The following POLB variants were observed in gnomAD, a reference collection of about 807,000 sequenced individuals.
The protein encoded by POLB is 5'-dRP lyase.
Under a neutral mutation model 52.7 loss-of-function variants are expected in POLB, and 37 were observed. The observed-to-expected ratio is 0.70, with a 90% CI of 0.54 to 0.92. The LOEUF (loss-of-function observed/expected upper bound fraction) is 0.92, where lower values mean the gene tolerates loss of function less well. Among genes scored for constraint, POLB ranks in the 40% least tolerant of loss-of-function variants. The probability of loss-of-function intolerance (pLI) is 0.00; values close to 1 mark genes in which losing one functional copy is unlikely to be tolerated. For missense variants in POLB, 313 were observed against 400.8 expected, an observed-to-expected ratio of 0.78 and a Z score of 1.87; for synonymous variants, 138 against 131.3, an observed-to-expected ratio of 1.05 and a Z score of -0.35.
At chr8:42,339,336 G>A (rs1822048251) in intron 2 of POLB, 1 of 472,590 alleles carries the variant, frequency 2.1e-6, no homozygotes, top group African/African-American at 2.0e-5. Context: ...TAGAAATGCG[G>A]TGTAATTTTA....
chr8:42,338,558 C>T lies in POLB; in HGVS notation c.-67C>T. 1.4e-6 allele frequency: 2 copies of T among 1,426,832 alleles called. No individual in the cohort carries two copies. The highest frequency in any genetic ancestry group is 2.0e-6 in the Non-Finnish European group (2 of 1,009,920). 88.4% of individuals were successfully genotyped at this position (1,426,832 alleles called of 1,614,324 possible). The stretch of plus-strand genomic sequence containing the variant: ...TCCCGTCTCCAAGTCCTGGTACCTC[C>T]TTCAAGCTGGGAGAGGGCTCTAGTC... On this transcript the variant is annotated 5_prime_UTR_variant, in exon 1 of 14. Coordinates refer to ENST00000265421, the MANE Select transcript of POLB (RefSeq NM_002690.3).
chr8:42,366,803 ACGTCAGAAGAC>A (rs1824068515), intron 11 of POLB, among the ~76,000 whole-genome samples: 1 of 152,248 alleles, frequency 6.6e-6, no homozygotes, highest in African/African-American at 2.4e-5. Flanking sequence ...TATTTGCCCT[ACGTCAGAAGAC>A]CGTTATGCAG....
rs1210664757 is a variant in POLB at position 42,349,105 on chromosome 8, T to G, written c.261+15T>G. 6.9e-7 allele frequency: 1 copy of G among 1,439,542 alleles called. No individual in the cohort carries two copies. The highest frequency in any genetic ancestry group is 9.8e-7 in the Non-Finnish European group (1 of 1,023,918). The allele number at this position is 1,439,542 out of a possible 1,614,324, so 89.2% of individuals were successfully genotyped here. On this transcript the variant is annotated intron_variant, in intron 4 of 13. Transcript: ENST00000265421. The stretch of plus-strand genomic sequence containing the variant: ...AACTGGAAAAGGTAAAATTTTAACT[T>G]GTTTACTTCATTAATTATAGTATCT...
At position 42,362,701 on chromosome 8, in the gene POLB, A is replaced by T. The variant is rs1467807953; in HGVS notation, c.708+3A>T. 6.4e-7 allele frequency: 1 copy of T among 1,563,980 alleles called. No individual in the cohort carries two copies. ...CAAAGGGTGAGACAAAGTTCATGGT[A>T]AGTACTTGTTAGAGTTAGCACATCT... On this transcript the variant is annotated splice_donor_region_variant and intron_variant, in intron 11 of 13. Transcript: ENST00000265421.
intron 11 of POLB, among the ~76,000 whole-genome samples, chr8:42,363,611 C>T (rs1306042363): frequency 6.9e-6 from 1 of 145,378 alleles, no homozygotes; most frequent in East Asian, 2.0e-4. Flanking sequence ...ATGACTTTGA[C>T]ACACAGTAAG....
At chr8:42,353,513 G>T (rs1163157362) in intron 6 of POLB, among the ~76,000 whole-genome samples, 1 of 152,034 alleles carries the variant, frequency 6.6e-6, no homozygotes, top group Non-Finnish European at 1.5e-5. Context: ...GGTTATTAAA[G>T]GAATTTTTGC....
At chr8:42,354,151 A>G (rs1823154271) in intron 6 of POLB, among the ~76,000 whole-genome samples, 3 of 152,210 alleles carry the variant, frequency 2.0e-5, no homozygotes, top group Admixed American at 1.3e-4. Context: ...ATATTTCACA[A>G]TTCACACATA....
intron 9 of POLB, among the ~76,000 whole-genome samples, chr8:42,358,543 A>C (rs1478919258): frequency 6.6e-6 from 1 of 152,114 alleles, no homozygotes; most frequent in Non-Finnish European, 1.5e-5. Flanking sequence ...GAATAGAAAA[A>C]CCTTATTTAA....
chr8:42,346,202 G>A (rs952435058), intron 3 of POLB, among the ~76,000 whole-genome samples: 3 of 152,106 alleles, frequency 2.0e-5, no homozygotes, highest in East Asian at 1.9e-4. Context: ...GATTATAGTC[G>A]TGAGCCACTG....
At chr8:42,344,496 A>G (rs1368643592) in intron 2 of POLB, among the ~76,000 whole-genome samples, 1 of 150,752 alleles carries the variant, frequency 6.6e-6, no homozygotes, top group Admixed American at 6.6e-5. Context: ...TTAGACATAT[A>G]TTAGGTGGTC....
intron 3 of POLB, among the ~76,000 whole-genome samples, chr8:42,347,373 A>G (rs1396450855): frequency 8.4e-5 from 11 of 130,882 alleles, no homozygotes; most frequent in Middle Eastern, 4.8e-3. Context: ...CAGTAATTCT[A>G]GAAATTATTC....
chr8:42,342,672 G>T (rs568864778), intron 2 of POLB: 17 of 548,160 alleles, frequency 3.1e-5, no homozygotes, highest in Non-Finnish European at 4.9e-5. Context: ...GCAGCACTAG[G>T]GGGTGGAAAG....
chr8:42,362,137 G>A (rs1823735847), intron 10 of POLB, among the ~76,000 whole-genome samples: 1 of 152,050 alleles, frequency 6.6e-6, no homozygotes, highest in African/African-American at 2.4e-5. Context: ...GTGCGCGCCT[G>A]TAGTCCCAGC....
chr8:42,339,509 C>CCT (rs1229426462), intron 2 of POLB: 1 of 162,078 alleles, frequency 6.2e-6, no homozygotes, highest in Non-Finnish European at 1.4e-5. Flanking sequence ...TCACCAGGGG[C>CCT]CTTATCCTAT....
chr8:42,361,664 A>G (rs1211513862), intron 10 of POLB: 3 of 221,880 alleles, frequency 1.4e-5, no homozygotes, highest in Non-Finnish European at 1.8e-5. Context: ...TCAGATTTTC[A>G]TTAAATTTTA....
chr8:42,340,543 C>T (rs1054365784), intron 2 of POLB, among the ~76,000 whole-genome samples: 8 of 152,314 alleles, frequency 5.3e-5, no homozygotes, highest in Admixed American at 5.2e-4. Context: ...TGGTCCCAGG[C>T]ATTTCAGATA....
intron 3 of POLB, among the ~76,000 whole-genome samples, 157 bp from the exon 4 acceptor site, chr8:42,348,859 A>T (rs934148103): frequency 1.3e-5 from 2 of 152,158 alleles, no homozygotes; most frequent in African/African-American, 4.8e-5. Context: ...CTTCGGGAGA[A>T]TTTATTTTCA....
At chr8:42,347,619 T>G (rs2130793648) in intron 3 of POLB, among the ~76,000 whole-genome samples, 1 of 152,174 alleles carries the variant, frequency 6.6e-6, no homozygotes, top group African/African-American at 2.4e-5. Context: ...CTGAATTGCT[T>G]GAGGTCAGTA....
chr8:42,359,791 GT>G (rs139588312), intron 9 of POLB, among the ~76,000 whole-genome samples: 33 of 145,226 alleles, frequency 2.3e-4, no homozygotes, highest in African/African-American at 7.6e-5. Flanking sequence ...CTTTGTTTTT[GT>G]TTTTTTTTTA....
Sources: allele counts gnomAD v4.1 joint callset (sites outside exome capture counted in the v4.1 genomes callset), GRCh38; gene constraint gnomAD v4.1.1; transcripts MANE v1.5; gene names NCBI Gene and HGNC (gene_info 2026-07-23, HGNC 2026-07-21).